Variants in TMEM131 observed in about 807,000 individuals in gnomAD.
TMEM131 encodes the protein transmembrane protein 131.
Under a neutral mutation model 211.6 loss-of-function variants are expected in TMEM131, and 66 were observed. The ratio of observed to expected loss-of-function variants is 0.31; its 90% CI spans 0.26 to 0.38. TMEM131 has a LOEUF of 0.38. TMEM131 is among the 10% of genes least tolerant of loss of function. The pLI, the probability that TMEM131 is intolerant of heterozygous loss-of-function variation, is 1.00. For missense variants in TMEM131, 2,036 were observed against 2,299.3 expected, an observed-to-expected ratio of 0.89 and a Z score of 2.34; for synonymous variants, 844 against 841.3, an observed-to-expected ratio of 1.00 and a Z score of -0.06.
At chr2:97,937,600 C>G (rs986869460) in intron 1 of TMEM131, among the ~76,000 whole-genome samples, 1 of 151,872 alleles carries the variant, frequency 6.6e-6, no homozygotes, top group Non-Finnish European at 1.5e-5. Context: ...ATAAAAATTG[C>G]TACAAGAGGA....
chr2:97,826,898 C>CA (rs1682415158), intron 11 of TMEM131, among the ~76,000 whole-genome samples: 1 of 151,988 alleles, frequency 6.6e-6, no homozygotes, highest in Non-Finnish European at 1.5e-5. Flanking sequence ...GCCTTCCTAT[C>CA]AAAAATCCTT....
At chr2:97,835,197 T>C (rs2105070619) in intron 8 of TMEM131, among the ~76,000 whole-genome samples, 1 of 152,336 alleles carries the variant, frequency 6.6e-6, no homozygotes, top group South Asian at 2.1e-4. Flanking sequence ...AAATTGTCAG[T>C]TACAAAATCA....
chr2:97,792,747 G>A lies in TMEM131; in HGVS notation c.3783C>T (p.Ser1261=), dbSNP rs1223580750. ...CTGTGTTCGAATCTAAGACAAGGGG[G>A]CTTGTTTTGTTAGCAGACTGTGAAG... ...AASSQSANKT[S]PLVLDSNTVT... Residue 1261 remains serine, a synonymous_variant, in exon 31 of 41, where the codon AGC becomes AGT. Transcript: ENST00000186436. The A allele has an allele frequency of 2.5e-6, 4 of 1,614,050 alleles. No homozygotes were observed. Among genetic ancestry groups the A allele is most frequent in the Non-Finnish European group, 3.4e-6 (4 of 1,179,900 alleles).
intron 1 of TMEM131, among the ~76,000 whole-genome samples, chr2:97,971,945 C>A (rs1679316137): frequency 6.6e-6 from 1 of 152,184 alleles, no homozygotes; most frequent in Non-Finnish European, 1.5e-5. Flanking sequence ...CAGTGGCTCA[C>A]ACCTATAATC....
At chr2:97,952,365 G>T (rs1415194625) in intron 1 of TMEM131, among the ~76,000 whole-genome samples, 1 of 152,020 alleles carries the variant, frequency 6.6e-6, no homozygotes, top group South Asian at 2.1e-4. Flanking sequence ...CTTACAGAGC[G>T]AATTCCAGAT....
At chr2:97,807,239 T>C (rs1487287567) in intron 19 of TMEM131, among the ~76,000 whole-genome samples, 2 of 152,150 alleles carry the variant, frequency 1.3e-5, no homozygotes, top group Non-Finnish European at 2.9e-5. Context: ...GAAAGCTTAA[T>C]CTGAAGCAGT....
At chr2:97,843,110 G>C (rs886836288) in intron 6 of TMEM131, among the ~76,000 whole-genome samples, 67 of 149,668 alleles carry the variant, frequency 4.5e-4, no homozygotes, top group African/African-American at 1.6e-3. Flanking sequence ...TAATGTGTCA[G>C]AGCTAACACT....
chr2:97,995,185 CA>C (rs1205037375), intron 1 of TMEM131, among the ~76,000 whole-genome samples: 1 of 152,208 alleles, frequency 6.6e-6, no homozygotes, highest in Non-Finnish European at 1.5e-5. Context: ...GCAATAAAGC[CA>C]AAAAATATGC....
Position 97,802,479 on chromosome 2 carries a change from G to A in TMEM131, c.2600C>T (p.Pro867Leu), listed in dbSNP as rs777066662. 1.2e-6 allele frequency: 2 copies of A among 1,612,494 alleles called. No individual in the cohort carries two copies. Among genetic ancestry groups the A allele is most frequent in the East Asian group, 2.2e-5 (1 of 44,752 alleles). Reference sequence around the variant, plus strand: ...TGAAGGGTTGGAATATAAAGCCAGAGGAATAAACTGAACATAGACAGGAAC... The same window carrying A: ...TGAAGGGTTGGAATATAAAGCCAGAAGAATAAACTGAACATAGACAGGAAC... Reference protein sequence around the residue: ...ADVPVYVQFIPLALYSNPSVF... With the variant: ...ADVPVYVQFILLALYSNPSVF... Residue 867 changes from proline to leucine, a missense_variant, in exon 24 of 41, where the codon CCT becomes CTT. By Grantham distance (98) the Pro-to-Leu change is moderately conservative. Around this residue, in one of 3 missense-constraint regions of TMEM131, gnomAD observed 1,623 missense variants for 1,805.9 expected, o/e 0.90. Transcript: ENST00000186436.
At chr2:97,917,445 C>T (rs1014965580) in intron 2 of TMEM131, among the ~76,000 whole-genome samples, 2 of 152,172 alleles carry the variant, frequency 1.3e-5, no homozygotes, top group African/African-American at 4.8e-5. Flanking sequence ...AAAATACAGA[C>T]AATGTACAGT....
chr2:97,807,008 G>C (rs1247484759), intron 19 of TMEM131, among the ~76,000 whole-genome samples: 1 of 152,256 alleles, frequency 6.6e-6, no homozygotes, highest in Non-Finnish European at 1.5e-5. Flanking sequence ...TTGTCTCTTG[G>C]GGGTGTGGGG....
rs1194334152 is a variant in TMEM131, at chr2:97,809,701, G to A, written c.2042C>T (p.Pro681Leu). 1 of 1,610,318 alleles carries A rather than the reference G, an allele frequency of 6.2e-7. No individual in the cohort carries two copies. Among genetic ancestry groups the A allele is most frequent in the Non-Finnish European group, 8.5e-7 (1 of 1,178,296 alleles). The change falls in exon 19 of 41, where the codon CCA becomes CTA. Residue 681 changes from proline (P) to leucine (L), a missense_variant. Pro to Leu is a moderately conservative substitution (Grantham distance 98). Transcript: ENST00000186436. ...LTCFPKHVVL[P>L]PSFPGKIVHQ... ...TAATGGTCTTACTGGAAAGGAAGGT[G>A]GAAGAACCACGTGCTTAGGGAAGCA...
intron 25 of TMEM131, 117 bp from the exon 26 acceptor site, chr2:97,797,633 C>T: frequency 2.4e-6 from 2 of 841,498 alleles, no homozygotes; most frequent in Non-Finnish European, 3.6e-6. Context: ...AATGCATAAA[C>T]AATTTTATCT....
At chr2:97,883,003 T>C (rs180700506) in intron 4 of TMEM131, among the ~76,000 whole-genome samples, 15 of 152,328 alleles carry the variant, frequency 9.8e-5, no homozygotes, top group African/African-American at 3.4e-4. Context: ...GGTGTCGGCA[T>C]GGTTGGGTTC....
chr2:97,830,150 A>AAAAAC (rs899146937), intron 11 of TMEM131, among the ~76,000 whole-genome samples: 5 of 150,732 alleles, frequency 3.3e-5, no homozygotes, highest in Non-Finnish European at 5.9e-5. Flanking sequence ...AAAAAAAAAA[A>AAAAAC]AAAAAACCAA....
At position 97,927,474 on chromosome 2, in the gene TMEM131, T is replaced by C; in HGVS notation, c.201A>G (p.Ser67=). The change falls in exon 2 of 41, where the codon TCA becomes TCG. Residue 67 remains serine, a synonymous_variant. Transcript: ENST00000186436. The part of the protein sequence containing the change: ...ARAEKEAFVQ[S]ESIIEVLRFD... ...AACGCAGTACTTCTATTATGCTCTC[T>C]GACTGAACGAATGCTGTGAAGAAAA... is the stretch of plus-strand genomic sequence containing the variant. The C allele has an allele frequency of 6.3e-7, 1 of 1,580,818 alleles. No homozygotes were observed. Among genetic ancestry groups the C allele is most frequent in the Non-Finnish European group, 8.6e-7 (1 of 1,164,870 alleles).
intron 1 of TMEM131, among the ~76,000 whole-genome samples, chr2:97,966,080 T>C (rs1231740478): frequency 1.3e-5 from 2 of 151,984 alleles, no homozygotes; most frequent in African/African-American, 4.8e-5. Flanking sequence ...TTTGCTATCA[T>C]TTTGACAGGG....
intron 4 of TMEM131, among the ~76,000 whole-genome samples, chr2:97,860,914 C>T (rs1674039217): frequency 6.6e-6 from 1 of 152,014 alleles, no homozygotes; most frequent in Non-Finnish European, 1.5e-5. Flanking sequence ...ATCGCTGATG[C>T]CACCCTTTCC....
In TMEM131 at chr2:97,772,553, T is replaced by C. The variant is rs1679517165; in HGVS notation, c.4321-129A>G. 18 of 1,102,060 alleles carry C rather than the reference T, an allele frequency of 1.6e-5. No homozygotes were observed. In the East Asian group the frequency reaches 4.8e-4, roughly 29 times the overall value. The allele number at this position is 1,102,060 out of a possible 1,614,324, so 68.3% of individuals were successfully genotyped here. A position where few individuals can be genotyped will look rare whatever the true frequency, so the allele number is the denominator to read the frequency against. ...CATCATATACGTAAAAACAAACTCG[T>C]TTCTTCAAATCTGTCTTCACTGCGG... On this transcript the variant is annotated intron_variant, in intron 32 of 40. Coordinates refer to ENST00000186436, the MANE Select transcript of TMEM131 (RefSeq NM_015348.2).
Sources: gnomAD v4.1 joint callset for allele counts (sites outside exome capture counted in the v4.1 genomes callset) on GRCh38, gnomAD v4.1.1 for gene constraint, gnomAD v4.1.1 regional missense constraint, MANE v1.5 for transcripts, NCBI Gene and HGNC (gene_info 2026-07-23, HGNC 2026-07-21) for gene names.